The following CHM variants were observed in gnomAD, a reference collection of about 807,000 sequenced individuals.
CHM encodes the protein rab proteins geranylgeranyltransferase component A 1.
CHM carries 10 observed loss-of-function variants against 49.0 expected under a neutral mutation model. The observed-to-expected ratio is 0.20, with a 90% CI of 0.13 to 0.35. The LOEUF is 0.35. Among genes scored for constraint, CHM ranks in the 10% least tolerant of loss-of-function variants. CHM has a pLI of 1.00. For missense variants in CHM, 455 were observed against 478.4 expected (o/e 0.95, Z 0.46); for synonymous variants, 184 against 167.5 (o/e 1.10, Z -0.76).
At chrX:86,029,918 T>C (rs1236247674) in intron 1 of CHM, among the ~76,000 whole-genome samples, 1 of 111,861 alleles carries the variant, frequency 8.9e-6, no homozygotes, top group African/African-American at 3.2e-5. Context: ...GTACTTGCCC[T>C]ATGAACACTA....
chrX:85,936,496 A>C (rs1005465511), intron 8 of CHM, among the ~76,000 whole-genome samples: 4 of 111,897 alleles, frequency 3.6e-5, no homozygotes, highest in African/African-American at 1.3e-4. Flanking sequence ...TGACATGTTC[A>C]AGTCCACCTA....
intron 2 of CHM, among the ~76,000 whole-genome samples, chrX:86,026,091 T>TAGC (rs1281674799): frequency 2.1e-5 from 2 of 94,217 alleles, no homozygotes; most frequent in Non-Finnish European, 4.2e-5. Flanking sequence ...GCTTTCAAGG[T>TAGC]AGCAGATTTT....
At chrX:85,966,359 A>C (rs1382887425) in intron 4 of CHM, among the ~76,000 whole-genome samples, 1 of 109,689 alleles carries the variant, frequency 9.1e-6, no homozygotes, top group East Asian at 2.9e-4. Flanking sequence ...AAAAAAAAAA[A>C]AAAAAAACTA....
intron 2 of CHM, among the ~76,000 whole-genome samples, chrX:85,983,636 T>A (rs1448628363): frequency 8.9e-6 from 1 of 111,792 alleles, no homozygotes; most frequent in South Asian, 3.7e-4. Context: ...TTATTTGCAA[T>A]CAACATAAAG....
At chrX:86,024,701 G>A (rs1036839431) in intron 2 of CHM, among the ~76,000 whole-genome samples, 2 of 112,299 alleles carry the variant, frequency 1.8e-5, no homozygotes, top group South Asian at 3.7e-4. Context: ...GTGAAATTAT[G>A]TTTTCAAAGT....
intron 4 of CHM, chrX:85,969,418 T>C: frequency 6.9e-6 from 5 of 729,333 alleles, no homozygotes; most frequent in Non-Finnish European, 8.1e-6. Context: ...GATCTAAAAC[T>C]AGAAACAATA....
In CHM at chrX:86,006,666, C is replaced by A. The variant is rs774782778; in HGVS notation, c.116+20825G>T. Among the ~76,000 whole-genome samples the A allele has an allele frequency of 3.6e-5, 4 of 111,260 alleles. No individual in the cohort carries two copies. The East Asian group carries it at 1.1e-3, about 32-fold the overall frequency. On this transcript the variant is annotated intron_variant, in intron 2 of 14. Coordinates refer to ENST00000357749, the MANE Select transcript of CHM (RefSeq NM_000390.4). ...AGTGAACTCCCATTCATAATTGCTA[C>A]AAAGAGAATAAAATACCTAGGAATA...
chrX:85,992,650 G>A (rs190784788), intron 2 of CHM, among the ~76,000 whole-genome samples: 2 of 112,171 alleles, frequency 1.8e-5, no homozygotes, highest in Non-Finnish European at 3.8e-5. Flanking sequence ...AGGAAAGTGG[G>A]CCTCTATGAC....
chrX:85,911,477 T>A, intron 8 of CHM, 139 bp from the exon 9 acceptor site: 1 of 270,586 alleles, frequency 3.7e-6, no homozygotes, highest in Non-Finnish European at 7.2e-6. Context: ...TTCTCTATCA[T>A]AGTATTAAAA....
chrX:85,991,333 A>G (rs190340236), intron 2 of CHM, among the ~76,000 whole-genome samples: 126 of 111,737 alleles, frequency 1.1e-3, no homozygotes, highest in African/African-American at 4.0e-3. Flanking sequence ...TACAATTTGC[A>G]GAACTGCAAT....
At chrX:85,959,770 A>G (rs1250601351) in intron 5 of CHM, among the ~76,000 whole-genome samples, 1 of 111,687 alleles carries the variant, frequency 9.0e-6, no homozygotes, top group Non-Finnish European at 1.9e-5. Context: ...ACTATTTCCT[A>G]TATTAAGATA....
At chrX:86,031,968 A>C (rs893899496) in intron 1 of CHM, among the ~76,000 whole-genome samples, 1 of 112,766 alleles carries the variant, frequency 8.9e-6, no homozygotes, top group Non-Finnish European at 1.9e-5. Flanking sequence ...CATACTTAAA[A>C]GTTTTTGGTC....
chrX:86,039,945 G>C (rs1569263512), intron 1 of CHM, among the ~76,000 whole-genome samples: 1 of 111,796 alleles, frequency 8.9e-6, no homozygotes, highest in African/African-American at 3.3e-5. Flanking sequence ...TTCCCACTAA[G>C]AGCCATCTCC....
intron 8 of CHM, among the ~76,000 whole-genome samples, chrX:85,929,911 G>A (rs1191380088): frequency 9.1e-6 from 1 of 109,703 alleles, no homozygotes; most frequent in Non-Finnish European, 1.9e-5. Context: ...AGACCAGCCT[G>A]GCCAACATGG....
chrX:85,993,149 A>T (rs755648435), intron 2 of CHM, among the ~76,000 whole-genome samples: 1 of 111,249 alleles, frequency 9.0e-6, no homozygotes, highest in Non-Finnish European at 1.9e-5. Context: ...GAAAACACAG[A>T]TCATGACTCA....
chrX:85,896,154 A>G (rs867216503), intron 11 of CHM, among the ~76,000 whole-genome samples: 4 of 101,593 alleles, frequency 3.9e-5, no homozygotes, highest in East Asian at 3.3e-4. Context: ...AAAAAAAAAG[A>G]AAAAAAAAAA....
intron 1 of CHM, among the ~76,000 whole-genome samples, chrX:86,034,275 T>C (rs1265147747): frequency 8.9e-6 from 1 of 111,744 alleles, no homozygotes; most frequent in East Asian, 2.8e-4. Context: ...AATGATAAAG[T>C]GAAAGATAAA....
At chrX:85,943,013 T>C (rs1002671214) in intron 8 of CHM, among the ~76,000 whole-genome samples, 1 of 104,737 alleles carries the variant, frequency 9.5e-6, no homozygotes, top group African/African-American at 3.5e-5. Flanking sequence ...ATGCAGTGTT[T>C]GGTTTTTTGT....
At chrX:85,952,345 G>C (rs1028892406) in intron 8 of CHM, among the ~76,000 whole-genome samples, 1 of 110,489 alleles carries the variant, frequency 9.1e-6, no homozygotes, top group Non-Finnish European at 1.9e-5. Flanking sequence ...AAGAGTAAAA[G>C]GACTTTGTCT....
Sources: gnomAD v4.1 joint callset for allele counts (sites outside exome capture counted in the v4.1 genomes callset) on GRCh38, gnomAD v4.1.1 for gene constraint, MANE v1.5 for transcripts, NCBI Gene and HGNC (gene_info 2026-07-23, HGNC 2026-07-21) for gene names.